USP9X: variants seen among roughly 807,000 people sequenced by gnomAD.
USP9X encodes the protein ubiquitin specific peptidase 9 X-linked, also known as ubiquitin carboxyl-terminal hydrolase 9X.
In USP9X, 7 loss-of-function variants were observed where a neutral mutation model predicts 190.3. The observed-to-expected ratio is 0.04, with a 90% CI of 0.02 to 0.07. The LOEUF is 0.07. Ranked by LOEUF, USP9X falls within the 10% of genes least tolerant of loss-of-function variation. The pLI, the probability that USP9X is intolerant of heterozygous loss-of-function variation, is 1.00. For synonymous variants in USP9X, 645 were observed against 659.5 expected, an observed-to-expected ratio of 0.98 and a Z score of 0.34; for missense variants, 1,010 against 1,916.9, an observed-to-expected ratio of 0.53 and a Z score of 8.83.
At chrX:41,124,489 A>C (rs2062219578) in intron 2 of USP9X, among the ~76,000 whole-genome samples, 1 of 111,884 alleles carries the variant, frequency 8.9e-6, no homozygotes, top group South Asian at 3.7e-4. Flanking sequence ...GTAACAAGAA[A>C]GCTCAAGTGG....
At chrX:41,103,541 A>G (rs1481548840) in intron 1 of USP9X, among the ~76,000 whole-genome samples, 2 of 111,923 alleles carry the variant, frequency 1.8e-5, no homozygotes. Flanking sequence ...ACTCGAACCC[A>G]TGCCTTAGCA....
intron 24 of USP9X, among the ~76,000 whole-genome samples, chrX:41,187,599 G>A (rs1333700275): frequency 8.9e-6 from 1 of 112,457 alleles, no homozygotes; most frequent in Non-Finnish European, 1.9e-5. Flanking sequence ...GTAGTAAAAT[G>A]TAATAGTAAA....
chrX:41,210,788 T>A, intron 33 of USP9X, 106 bp downstream of exon 33: 1 of 783,382 alleles, frequency 1.3e-6, no homozygotes, highest in Non-Finnish European at 1.8e-6. Flanking sequence ...TATCACTGAT[T>A]ACTAAATACC....
At chrX:41,113,518 C>T (rs1569153298) in intron 1 of USP9X, among the ~76,000 whole-genome samples, 1 of 111,956 alleles carries the variant, frequency 8.9e-6, no homozygotes, top group Non-Finnish European at 1.9e-5. Context: ...TATTTTTGTA[C>T]TCTAAAATGG....
chrX:41,230,737 A>G (rs2063353252), intron 44 of USP9X, 141 bp downstream of exon 44: 3 of 512,479 alleles, frequency 5.9e-6, no homozygotes, highest in East Asian at 7.4e-5. Context: ...GATCCAGAAG[A>G]GGGATGGTTT....
At chrX:41,104,817 G>C (rs1482988964) in intron 1 of USP9X, among the ~76,000 whole-genome samples, 1 of 111,334 alleles carries the variant, frequency 9.0e-6, no homozygotes, top group African/African-American at 3.3e-5. Context: ...CCTGGAGTTA[G>C]AACATCATCT....
chrX:41,087,898 T>G (rs766807265), intron 1 of USP9X, among the ~76,000 whole-genome samples: 1 of 112,464 alleles, frequency 8.9e-6, no homozygotes, highest in Non-Finnish European at 1.9e-5. Context: ...GTGAGAATCT[T>G]AAGTTACTTC....
intron 1 of USP9X, among the ~76,000 whole-genome samples, chrX:41,109,683 A>G (rs1324119836): frequency 8.9e-6 from 1 of 112,201 alleles, no homozygotes. Flanking sequence ...TTTGAATTTA[A>G]CAAAGATTAA....
At chrX:41,097,121 AG>A (rs1480686718) in intron 1 of USP9X, among the ~76,000 whole-genome samples, 1 of 111,875 alleles carries the variant, frequency 8.9e-6, no homozygotes, top group Admixed American at 9.5e-5. Flanking sequence ...CTGTGAATTT[AG>A]GGACCATAGA....
At chrX:41,162,706 A>G in intron 14 of USP9X, 84 bp from the exon 15 acceptor site, 1 of 736,046 alleles carries the variant, frequency 1.4e-6, no homozygotes, top group African/African-American at 2.1e-5. Flanking sequence ...TGACATTTTA[A>G]CTGGCCTAAT....
chrX:41,167,249 T>G (rs764651532), intron 16 of USP9X: 7 of 259,153 alleles, frequency 2.7e-5, no homozygotes, highest in Non-Finnish European at 3.4e-5. Flanking sequence ...GCGTATTTTA[T>G]TTTTACAAAA....
chrX:41,192,900 G>A (rs949136732), intron 26 of USP9X, among the ~76,000 whole-genome samples: 2 of 111,448 alleles, frequency 1.8e-5, no homozygotes, highest in African/African-American at 6.5e-5. Context: ...GTAGTACGGG[G>A]CATGAGTGGA....
Position 41,149,546 on chromosome X carries a change from A to G in USP9X, c.1626+971A>G, listed in dbSNP as rs760454954. On this transcript the variant is annotated intron_variant, in intron 12 of 44. Coordinates refer to ENST00000378308, the MANE Select transcript of USP9X (RefSeq NM_001039591.3). ...CTGTTGTCAAAGTGTACATTTGATCATAAATGTTTTCATGGCCTTAAAAAT... is the reference window on the plus strand; with the variant it reads ...CTGTTGTCAAAGTGTACATTTGATCGTAAATGTTTTCATGGCCTTAAAAAT... Among the ~76,000 whole-genome samples, 38 of 109,774 alleles carry G rather than the reference A, an allele frequency of 3.5e-4. No individual in the cohort carries two copies. The East Asian group carries it at 4.6e-3, about 13-fold the overall frequency.
chrX:41,189,642 G>A, intron 26 of USP9X, 167 bp downstream of exon 26: 1 of 415,940 alleles, frequency 2.4e-6, no homozygotes, highest in South Asian at 7.8e-5. Flanking sequence ...TAAATGTTTG[G>A]TTTTAGTCTC....
At chrX:41,186,689 C>T (rs750154590) in intron 24 of USP9X, 47 bp downstream of exon 24, 51 of 1,182,875 alleles carry the variant, frequency 4.3e-5, no homozygotes, top group Non-Finnish European at 5.6e-5. Flanking sequence ...TTCCTAGGCC[C>T]ACTTATTTTA....
chrX:41,199,656 T>C (rs1396421332), intron 30 of USP9X, among the ~76,000 whole-genome samples: 1 of 111,625 alleles, frequency 9.0e-6, no homozygotes, highest in African/African-American at 3.3e-5. Flanking sequence ...CTTGAACTCC[T>C]GGCCTCAGGT....
At chrX:41,086,158 C>G (rs2061908839) in intron 1 of USP9X, 49 bp downstream of exon 1, 2 of 293,306 alleles carry the variant, frequency 6.8e-6, no homozygotes, top group Admixed American at 1.2e-4. Flanking sequence ...GGGCCAACAG[C>G]TGGATGTGGG....
intron 28 of USP9X, 46 bp from the exon 29 acceptor site, chrX:41,197,318 A>G: frequency 1.0e-6 from 1 of 957,145 alleles, no homozygotes; most frequent in Non-Finnish European, 1.4e-6. Context: ...CATAAGCTAG[A>G]CATTTGATTT....
At chrX:41,140,930 C>T (rs371767539) in intron 7 of USP9X, 36 bp from the exon 8 acceptor site, 32 of 1,135,305 alleles carry the variant, frequency 2.8e-5, no homozygotes, top group African/African-American at 1.7e-4. Flanking sequence ...TAAGAAATTG[C>T]GTATTTACAG....
Sources: gnomAD v4.1 joint callset for allele counts (sites outside exome capture counted in the v4.1 genomes callset) on GRCh38, gnomAD v4.1.1 for gene constraint, MANE v1.5 for transcripts, NCBI Gene and HGNC (gene_info 2026-07-23, HGNC 2026-07-21) for gene names.